Variants in SLC23A2 observed in about 807,000 individuals in gnomAD.
SLC23A2 encodes solute carrier family 23 member 2.
A neutral mutation model predicts 73.3 loss-of-function variants in SLC23A2; 36 were observed. The ratio of observed to expected loss-of-function variants is 0.49; its 90% CI spans 0.38 to 0.65. The LOEUF (loss-of-function observed/expected upper bound fraction) is 0.65. SLC23A2 is among the 30% of genes least tolerant of loss of function. The pLI is 0.00. For synonymous variants in SLC23A2, 343 were observed against 327.3 expected (o/e 1.05, Z -0.52); for missense variants, 507 against 841.6 (o/e 0.60, Z 4.92).
At chr20:4,961,884 T>G (rs2087396665) in intron 2 of SLC23A2, among the ~76,000 whole-genome samples, 1 of 152,170 alleles carries the variant, frequency 6.6e-6, no homozygotes, top group Non-Finnish European at 1.5e-5. Flanking sequence ...ACTTTTGGAA[T>G]TTGTTCGGAC....
chr20:4,949,686 T>C (rs1177491433), intron 2 of SLC23A2, among the ~76,000 whole-genome samples: 1 of 151,918 alleles, frequency 6.6e-6, no homozygotes, highest in Non-Finnish European at 1.5e-5. Flanking sequence ...CAGACATATA[T>C]GTAGAAAATC....
chr20:4,961,271 C>T lies in SLC23A2; in HGVS notation c.-155+9522G>A, dbSNP rs188619884. Among the ~76,000 whole-genome samples the T allele has an allele frequency of 5.8e-3, 875 of 152,036 alleles. 8 individuals are homozygous for T. Among genetic ancestry groups the T allele is most frequent in the African/African-American group, 0.018 (738 of 41,460 alleles). ...TAATTTTTTGTATTTTTAGTAGAGA[C>T]GGGGTTTCACCTTGTTAGCCAGGAT... is the stretch of plus-strand genomic sequence containing the variant. On this transcript the variant is annotated intron_variant, in intron 2 of 16. Coordinates refer to ENST00000338244, the MANE Select transcript of SLC23A2 (RefSeq NM_005116.6).
At chr20:4,895,280 G>A (rs896581929) in intron 6 of SLC23A2, among the ~76,000 whole-genome samples, 3 of 152,118 alleles carry the variant, frequency 2.0e-5, no homozygotes, top group African/African-American at 4.8e-5. Flanking sequence ...CCATCCTTCC[G>A]GCAGTGCTGC....
chr20:4,911,099 C>T (rs1932128677), intron 4 of SLC23A2, among the ~76,000 whole-genome samples: 1 of 152,120 alleles, frequency 6.6e-6, no homozygotes, highest in Non-Finnish European at 1.5e-5. Flanking sequence ...ATGTGGCCCA[C>T]CAAGTCTGTG....
At chr20:4,979,438 C>T (rs1482379891) in intron 1 of SLC23A2, among the ~76,000 whole-genome samples, 1 of 152,028 alleles carries the variant, frequency 6.6e-6, no homozygotes, top group Non-Finnish European at 1.5e-5. Flanking sequence ...AGCATGGTGG[C>T]TCATACCTAT....
chr20:4,916,771 T>C (rs1932337957), intron 3 of SLC23A2, among the ~76,000 whole-genome samples: 1 of 152,192 alleles, frequency 6.6e-6, no homozygotes, highest in African/African-American at 2.4e-5. Context: ...ATACAACCCC[T>C]CTGCTCTTCA....
chr20:4,864,261 G>A (rs1012568398), intron 13 of SLC23A2, among the ~76,000 whole-genome samples: 3 of 152,128 alleles, frequency 2.0e-5, no homozygotes, highest in African/African-American at 7.2e-5. Context: ...AATTCCTCAC[G>A]TACACCGGCC....
intron 2 of SLC23A2, among the ~76,000 whole-genome samples, chr20:4,933,442 C>T (rs955257382): frequency 2.0e-5 from 3 of 148,320 alleles, no homozygotes; most frequent in African/African-American, 7.6e-5. Flanking sequence ...AGTGAAACCC[C>T]GTCTCTACTA....
chr20:4,905,492 CA>C (rs1288891713), intron 4 of SLC23A2, among the ~76,000 whole-genome samples: 2 of 152,224 alleles, frequency 1.3e-5, no homozygotes, highest in Admixed American at 1.3e-4. Flanking sequence ...AAGATGACTA[CA>C]TAAATAATTA....
intron 3 of SLC23A2, among the ~76,000 whole-genome samples, chr20:4,924,762 C>G (rs201989240): frequency 1.1e-4 from 17 of 152,346 alleles, no homozygotes; most frequent in East Asian, 3.9e-4. Flanking sequence ...CTTGGTGCAG[C>G]CTTTCCTGGC....
intron 3 of SLC23A2, 34 bp from the exon 4 acceptor site, chr20:4,913,012 C>A (rs191440602): frequency 7.1e-7 from 1 of 1,416,464 alleles, no homozygotes. Context: ...GCTGTTTCAG[C>A]GTGAACCACA....
Position 4,863,856 on chromosome 20 carries a change from T to C in SLC23A2, c.1357-949A>G, listed in dbSNP as rs1242642415. 2.0e-5 allele frequency among the ~76,000 whole-genome samples: 3 copies of C among 152,334 alleles called. No individual in the cohort carries two copies. Among genetic ancestry groups the C allele is most frequent in the Admixed American group, 2.0e-4 (3 of 15,308 alleles). ...GAAAAGCATCCCAACTCCAGGACTATTCCCCCATTATAGGCTCTCATAGCA... is the reference window on the plus strand; with the variant it reads ...GAAAAGCATCCCAACTCCAGGACTACTCCCCCATTATAGGCTCTCATAGCA... On this transcript the variant is annotated intron_variant, in intron 13 of 16. Transcript: ENST00000338244. This position sits in a 1 kb window ranked among gnomAD's most constrained non-coding sequence, Gnocchi z 4.8.
At chr20:5,001,959 T>G (rs2423082), upstream of SLC23A2, among the ~76,000 whole-genome samples, 33,957 of 151,980 alleles carry the variant, frequency 0.22, 4,521 homozygotes, top group African/African-American at 0.37. Flanking sequence ...AGGTAGCCAG[T>G]TTTTTTAACC....
At chr20:5,001,360 G>C (rs1030507482) in intron 1 of SLC23A2, 46 bp downstream of exon 1, 6 of 146,646 alleles carry the variant, frequency 4.1e-5, no homozygotes, top group Admixed American at 1.4e-4. Flanking sequence ...CCGCCGGCAG[G>C]TGCGGCCCGC....
chr20:4,979,209 C>T (rs1342531256), intron 1 of SLC23A2, among the ~76,000 whole-genome samples: 1 of 152,042 alleles, frequency 6.6e-6, no homozygotes, highest in Non-Finnish European at 1.5e-5. Context: ...AGGAGAATCG[C>T]TTGAACCCGG....
intron 13 of SLC23A2, among the ~76,000 whole-genome samples, chr20:4,867,057 TAAAAA>T (rs71197732): frequency 6.8e-4 from 52 of 76,484 alleles, no homozygotes; most frequent in Admixed American, 1.2e-3. Context: ...AAGCGATCCC[TAAAAA>T]AAAAAAAAAA....
At chr20:4,918,394 A>G (rs1313609060) in intron 3 of SLC23A2, among the ~76,000 whole-genome samples, 1 of 152,166 alleles carries the variant, frequency 6.6e-6, no homozygotes, top group Non-Finnish European at 1.5e-5. Flanking sequence ...TCTCTGCCTA[A>G]CCAGATGATT....
intron 15 of SLC23A2, among the ~76,000 whole-genome samples, chr20:4,861,046 A>G (rs943382811): frequency 2.0e-5 from 3 of 152,234 alleles, no homozygotes; most frequent in African/African-American, 7.2e-5. Flanking sequence ...CTCCATCTCA[A>G]AAAAAGGAAT....
intron 3 of SLC23A2, among the ~76,000 whole-genome samples, chr20:4,918,616 G>A (rs568146760): frequency 6.6e-6 from 1 of 152,208 alleles, no homozygotes; most frequent in East Asian, 1.9e-4. Context: ...GCCTAGAGGT[G>A]TCAGTATCAC....
Sources: allele counts gnomAD v4.1 joint callset (sites outside exome capture counted in the v4.1 genomes callset), GRCh38; gene constraint gnomAD v4.1.1; non-coding constraint Gnocchi (gnomAD v3.1); transcripts MANE v1.5; gene names NCBI Gene and HGNC (gene_info 2026-07-23, HGNC 2026-07-21).